Variants in UBAP1 observed in about 807,000 individuals in gnomAD.
UBAP1 encodes the protein ubiquitin associated protein 1.
UBAP1 carries 5 observed loss-of-function variants against 39.0 expected under a neutral mutation model. The ratio of observed to expected loss-of-function variants is 0.13; its 90% CI spans 0.07 to 0.27. The LOEUF (loss-of-function observed/expected upper bound fraction) is 0.27. Among genes scored for constraint, UBAP1 ranks in the 10% least tolerant of loss-of-function variants. The probability of loss-of-function intolerance (pLI) is 1.00; values close to 1 mark genes in which losing one functional copy is unlikely to be tolerated. For synonymous variants in UBAP1, 211 were observed against 225.1 expected, an observed-to-expected ratio of 0.94 and a Z score of 0.56; for missense variants, 490 against 608.1, an observed-to-expected ratio of 0.81 and a Z score of 2.04.
intron 2 of UBAP1, among the ~76,000 whole-genome samples, chr9:34,226,137 G>GTGTT (rs1289906060): frequency 1.4e-5 from 2 of 146,116 alleles, no homozygotes; most frequent in Admixed American, 1.3e-4. Flanking sequence ...GTGTGTGTGT[G>GTGTT]TGTGTGTGTG....
At chr9:34,226,021 T>C (rs1316925929) in intron 2 of UBAP1, among the ~76,000 whole-genome samples, 1 of 151,848 alleles carries the variant, frequency 6.6e-6, no homozygotes, top group East Asian at 1.9e-4. Flanking sequence ...CTTGATGAGT[T>C]TGAGGATAAG....
intron 1 of UBAP1, among the ~76,000 whole-genome samples, chr9:34,196,898 T>TTGTGTG (rs777008697): frequency 0.039 from 5,458 of 141,332 alleles, 132 homozygotes; most frequent in South Asian, 0.071. Context: ...ATATTGTTAT[T>TTGTGTG]TGTGTGTGTG....
rs1462406480 is a variant in UBAP1, at chr9:34,249,717, G to A, written c.1084-62G>A. On this transcript the variant is annotated intron_variant, in intron 4 of 6. Transcript: ENST00000297661. ...GAAATGCCAACCCCTGGACTAGGCT[G>A]CCTCAGTGACTTCTTTGGGGGCCCA... 7 of 1,526,342 alleles carry A rather than the reference G, an allele frequency of 4.6e-6. No homozygotes were observed. The East Asian group carries it at 1.6e-4, about 35-fold the overall frequency. 94.5% of individuals were successfully genotyped at this position (1,526,342 alleles called of 1,614,324 possible). A position where few individuals can be genotyped will look rare whatever the true frequency, so the allele number is the denominator to read the frequency against.
intron 2 of UBAP1, among the ~76,000 whole-genome samples, chr9:34,231,959 CT>C (rs1816892466): frequency 6.6e-6 from 1 of 151,962 alleles, no homozygotes; most frequent in Non-Finnish European, 1.5e-5. Flanking sequence ...CTCAGACTCT[CT>C]GAAGGGAGGT....
chr9:34,193,633 G>C (rs1202993387), intron 1 of UBAP1, among the ~76,000 whole-genome samples: 1 of 152,164 alleles, frequency 6.6e-6, no homozygotes, highest in Non-Finnish European at 1.5e-5. Flanking sequence ...GCATCTCACA[G>C]AACTCAGGGA....
At chr9:34,230,171 C>G (rs991562858) in intron 2 of UBAP1, among the ~76,000 whole-genome samples, 14 of 152,052 alleles carry the variant, frequency 9.2e-5, no homozygotes, top group African/African-American at 3.4e-4. Flanking sequence ...TAAAGCAATT[C>G]TCCTGCTTCA....
At position 34,208,588 on chromosome 9, in the gene UBAP1, T is replaced by C. The variant is rs1003350565; in HGVS notation, c.-7-12320T>C. The stretch of plus-strand genomic sequence containing the variant: ...GTCAGGAGATTGAGACCATCCTGGT[T>C]AACACAGTGAAATCCCGTCTCTACT... On this transcript the variant is annotated intron_variant, in intron 1 of 6. Transcript: ENST00000297661. Among the ~76,000 whole-genome samples the C allele has an allele frequency of 2.6e-5, 4 of 151,938 alleles. No individual in the cohort carries two copies. In the East Asian group the frequency reaches 7.8e-4, roughly 29 times the overall value.
chr9:34,218,792 C>T (rs75969346), intron 1 of UBAP1, among the ~76,000 whole-genome samples: 38 of 152,132 alleles, frequency 2.5e-4, no homozygotes, highest in Admixed American at 1.7e-3. Flanking sequence ...AATAATTAGC[C>T]GGGTGTGATG....
Position 34,179,098 on chromosome 9 carries a change from C to G in UBAP1, c.-150C>G. On this transcript the variant is annotated 5_prime_UTR_variant, in exon 1 of 7. Coordinates refer to ENST00000297661, the MANE Select transcript of UBAP1 (RefSeq NM_016525.5). ...GCACTGGCGGTGGCTACGGTGACGG[C>G]CTGGCCCGGAGCGGGCAGAGTTGGA... 1 of 1,279,206 alleles carries G rather than the reference C, an allele frequency of 7.8e-7. No individual in the cohort carries two copies. The allele number at this position is 1,279,206 out of a possible 1,614,324, so 79.2% of individuals were successfully genotyped here. A position where few individuals can be genotyped will look rare whatever the true frequency, so the allele number is the denominator to read the frequency against.
chr9:34,201,779 G>A (rs190817151), intron 1 of UBAP1, among the ~76,000 whole-genome samples: 156 of 152,190 alleles, frequency 1.0e-3, no homozygotes, highest in Middle Eastern at 3.4e-3. Flanking sequence ...CTGGTTGAAT[G>A]CGCAGTCTCC....
intron 1 of UBAP1, among the ~76,000 whole-genome samples, chr9:34,220,689 T>C (rs557339003): frequency 8.8e-4 from 134 of 152,014 alleles, no homozygotes; most frequent in African/African-American, 3.0e-3. Context: ...TCTCAAATTC[T>C]TGAGCTCAAG....
chr9:34,190,165 C>T (rs1435856957), intron 1 of UBAP1, among the ~76,000 whole-genome samples: 2 of 152,094 alleles, frequency 1.3e-5, no homozygotes, highest in Non-Finnish European at 2.9e-5. Flanking sequence ...TCACATGTAC[C>T]CCTGAACTTA....
At chr9:34,239,981 T>G (rs1833879776) in intron 3 of UBAP1, among the ~76,000 whole-genome samples, 1 of 152,112 alleles carries the variant, frequency 6.6e-6, no homozygotes, top group African/African-American at 2.4e-5. Context: ...CAATAAATGT[T>G]TGCTAGAAAA....
chr9:34,250,078 G>T, intron 5 of UBAP1, 117 bp downstream of exon 5: 1 of 1,101,124 alleles, frequency 9.1e-7, no homozygotes. Context: ...GTGGGTTTGT[G>T]AGGACACGGG....
Position 34,224,372 on chromosome 9 carries a change from T to G in UBAP1, c.34+3424T>G. 6.8e-6 allele frequency: 3 copies of G among 443,226 alleles called. No individual in the cohort carries two copies. In the South Asian group the frequency reaches 1.4e-4, roughly 21 times the overall value. 27.5% of individuals were successfully genotyped at this position (443,226 alleles called of 1,614,324 possible). ...GTCTTGTTATGGACCAGCTCGTTAT[T>G]AAACGCATTGTAGACAACATCGATG... On this transcript the variant is annotated intron_variant, in intron 2 of 6. Coordinates refer to ENST00000297661, the MANE Select transcript of UBAP1 (RefSeq NM_016525.5).
chr9:34,214,181 A>G (rs1290278418), intron 1 of UBAP1, among the ~76,000 whole-genome samples: 1 of 152,252 alleles, frequency 6.6e-6, no homozygotes, highest in African/African-American at 2.4e-5. Flanking sequence ...TCTAAAATTC[A>G]TATGGAACAA....
intron 1 of UBAP1, among the ~76,000 whole-genome samples, chr9:34,198,234 A>G (rs1411433902): frequency 1.3e-5 from 2 of 152,208 alleles, no homozygotes; most frequent in Non-Finnish European, 2.9e-5. Context: ...AGGTGAGGCT[A>G]CAGGGTATGC....
chr9:34,200,133 T>A (rs1270240776), intron 1 of UBAP1, among the ~76,000 whole-genome samples: 1 of 152,178 alleles, frequency 6.6e-6, no homozygotes, highest in African/African-American at 2.4e-5. Context: ...TGTCTGCTGT[T>A]TTCCTCGTAA....
At chr9:34,184,468 A>G (rs1482429233) in intron 1 of UBAP1, among the ~76,000 whole-genome samples, 1 of 151,206 alleles carries the variant, frequency 6.6e-6, no homozygotes, top group African/African-American at 2.4e-5. Flanking sequence ...TGTCTCTACT[A>G]AAAATAGAAA....
Sources: gnomAD v4.1 joint callset for allele counts (sites outside exome capture counted in the v4.1 genomes callset) on GRCh38, gnomAD v4.1.1 for gene constraint, MANE v1.5 for transcripts, NCBI Gene and HGNC (gene_info 2026-07-23, HGNC 2026-07-21) for gene names.